TJP2: variants seen among roughly 807,000 people sequenced by gnomAD.
TJP2 encodes the protein tight junction protein 2.
A neutral mutation model predicts 133.1 loss-of-function variants in TJP2; 91 were observed. That is an observed-to-expected ratio of 0.68 (90% CI 0.58 to 0.81). The LOEUF is 0.81. Ranked by LOEUF, TJP2 falls within the 40% of genes least tolerant of loss-of-function variation. The pLI, the probability that TJP2 is intolerant of heterozygous loss-of-function variation, is 0.00. For synonymous variants in TJP2, 592 were observed against 583.4 expected (o/e 1.01, Z -0.21); for missense variants, 1,541 against 1,565.6 (o/e 0.98, Z 0.26).
Position 69,226,094 on chromosome 9 carries a change from C to G in TJP2, c.1129C>G (p.Leu377Val), listed in dbSNP as rs1379934280. The change falls in exon 7 of 23, where the codon CTA becomes GTA. Residue 377 changes from leucine to valine, a missense_variant. Physicochemically the swap from Leu to Val is conservative, Grantham distance 32. Coordinates refer to ENST00000377245, the MANE Select transcript of TJP2 (RefSeq NM_004817.4). ...RKLIEKSRGK[L>V]QLVVLRDSQQ... is the part of the protein sequence containing the mutation. ...ATTGATAGAAAAGTCAAGAGGAAAACTACAGCTAGTGGTGTTGAGAGACAG... is the reference window on the plus strand; with the variant it reads ...ATTGATAGAAAAGTCAAGAGGAAAAGTACAGCTAGTGGTGTTGAGAGACAG... 3.1e-6 allele frequency: 5 copies of G among 1,614,006 alleles called. No individual in the cohort carries two copies. Among genetic ancestry groups the G allele is most frequent in the African/African-American group, 1.3e-5 (1 of 74,918 alleles).
intron 1 of TJP2, among the ~76,000 whole-genome samples, chr9:69,133,480 G>C (rs551190259): frequency 1.3e-5 from 2 of 150,810 alleles, no homozygotes; most frequent in Non-Finnish European, 2.9e-5. Context: ...GTGCACACAA[G>C]CCTGCATTCC....
At chr9:69,198,666 A>G (rs749677395) in intron 1 of TJP2, among the ~76,000 whole-genome samples, 10 of 152,194 alleles carry the variant, frequency 6.6e-5, no homozygotes, top group Non-Finnish European at 1.3e-4. Context: ...GTCCATTGTG[A>G]AGTGTGTGCT....
chr9:69,127,001 G>A (rs2133219150), intron 1 of TJP2, among the ~76,000 whole-genome samples: 1 of 76,122 alleles, frequency 1.3e-5, no homozygotes, highest in Non-Finnish European at 3.0e-5. Flanking sequence ...GAAGGCTGAG[G>A]TGGAAGGATT....
intron 1 of TJP2, among the ~76,000 whole-genome samples, chr9:69,203,146 T>A (rs1827121171): frequency 6.6e-6 from 1 of 151,902 alleles, no homozygotes; most frequent in Non-Finnish European, 1.5e-5. Context: ...CCTCCCCGAG[T>A]TGCCTGGGTT....
intron 1 of TJP2, among the ~76,000 whole-genome samples, chr9:69,149,758 A>G (rs1332682105): frequency 3.9e-5 from 6 of 152,154 alleles, no homozygotes; most frequent in Admixed American, 1.3e-4. Flanking sequence ...GCTTCATAAG[A>G]ATTTGCAGAA....
At chr9:69,162,957 C>A (rs1485034820) in intron 2 of TJP2, among the ~76,000 whole-genome samples, 1 of 152,142 alleles carries the variant, frequency 6.6e-6, no homozygotes. Context: ...TAAGACCAGA[C>A]CCTTTTCTTC....
intron 1 of TJP2, among the ~76,000 whole-genome samples, chr9:69,139,859 C>T (rs1193933054): frequency 6.6e-6 from 1 of 152,160 alleles, no homozygotes; most frequent in African/African-American, 2.4e-5. Flanking sequence ...CTCCATAGGG[C>T]CCTATACTGC....
Position 69,246,677 on chromosome 9 carries a change from T to C in TJP2, c.2567-13T>C. 3.1e-6 allele frequency: 5 copies of C among 1,611,378 alleles called. No individual in the cohort carries two copies. The highest frequency in any genetic ancestry group is 4.2e-6 in the Non-Finnish European group (5 of 1,177,506). ...GGAAATTAATGCAGACCTTTTTGTT[T>C]ATATTTCTATAGCTACAATCAACCT... On this transcript the variant is annotated splice_polypyrimidine_tract_variant and intron_variant, in intron 17 of 22. Coordinates refer to ENST00000377245, the MANE Select transcript of TJP2 (RefSeq NM_004817.4).
At chr9:69,148,833 T>A (rs1192385190) in intron 1 of TJP2, among the ~76,000 whole-genome samples, 1 of 152,192 alleles carries the variant, frequency 6.6e-6, no homozygotes, top group African/African-American at 2.4e-5. Flanking sequence ...CATGTGTATA[T>A]TTGCCCATTG....
intron 2 of TJP2, chr9:69,151,900 T>C: frequency 1.0e-6 from 1 of 960,466 alleles, no homozygotes; most frequent in Non-Finnish European, 1.3e-6. Flanking sequence ...TATATACATT[T>C]TCATAGAAAA....
Position 69,201,471 on chromosome 9 carries a change from G to A in TJP2, c.61-11077G>A, listed in dbSNP as rs553180907. Among the ~76,000 whole-genome samples, 8 of 151,700 alleles carry A rather than the reference G, an allele frequency of 5.3e-5. No homozygotes were observed. The East Asian group carries it at 9.7e-4, about 18-fold the overall frequency. ...TGTCCTTTCCTTCAGACCTCATCTC[G>A]GTGTCCCTGGCTCATGGAAACCCTC... On this transcript the variant is annotated intron_variant, in intron 1 of 22. Transcript: ENST00000377245.
chr9:69,225,673 C>A (rs1829291377), intron 6 of TJP2, among the ~76,000 whole-genome samples: 1 of 152,166 alleles, frequency 6.6e-6, no homozygotes, highest in Non-Finnish European at 1.5e-5. Flanking sequence ...TCCCTATTCC[C>A]TAAACTAAGG....
At chr9:69,209,066 T>C (rs1228810846) in intron 1 of TJP2, among the ~76,000 whole-genome samples, 1 of 152,086 alleles carries the variant, frequency 6.6e-6, no homozygotes, top group African/African-American at 2.4e-5. Context: ...GTTAGTAAGG[T>C]GTTCTATGGA....
At chr9:69,246,345 A>C (rs1326940239) in intron 17 of TJP2, 4 of 365,344 alleles carry the variant, frequency 1.1e-5, no homozygotes, top group Non-Finnish European at 2.1e-5. Flanking sequence ...TATACACCTC[A>C]GCCTCCCAGA....
At chr9:69,208,178 A>G (rs1207750258) in intron 1 of TJP2, among the ~76,000 whole-genome samples, 2 of 152,254 alleles carry the variant, frequency 1.3e-5, no homozygotes, top group East Asian at 1.9e-4. Context: ...TTAATGTTCA[A>G]CAGAGCTACT....
At chr9:69,123,904 G>A (rs1822243035) in intron 1 of TJP2, among the ~76,000 whole-genome samples, 1 of 76,074 alleles carries the variant, frequency 1.3e-5, no homozygotes, top group Non-Finnish European at 3.0e-5. Flanking sequence ...GTCTCGCTCT[G>A]TCGCCCAGGC....
At chr9:69,137,957 G>A (rs1022975695) in intron 1 of TJP2, among the ~76,000 whole-genome samples, 7 of 152,128 alleles carry the variant, frequency 4.6e-5, no homozygotes, top group Admixed American at 2.6e-4. Context: ...TTTCTGTTCT[G>A]TTCTTCCACA....
chr9:69,234,402 T>TTTCTTTCTTTC (rs780843162), intron 11 of TJP2, 37 bp from the exon 12 acceptor site: 3 of 1,217,498 alleles, frequency 2.5e-6, no homozygotes, highest in Admixed American at 4.6e-5. Context: ...TTCTTTCTTT[T>TTTCTTTCTTTC]TTTTTTTTTT....
At chr9:69,250,825 C>T (rs1831276293) in intron 20 of TJP2, among the ~76,000 whole-genome samples, 1 of 152,312 alleles carries the variant, frequency 6.6e-6, no homozygotes, top group South Asian at 2.1e-4. Context: ...GGCTTCCTGA[C>T]ATTCCTAATA....
Sources: gnomAD v4.1 joint callset for allele counts (sites outside exome capture counted in the v4.1 genomes callset) on GRCh38, gnomAD v4.1.1 for gene constraint, MANE v1.5 for transcripts, NCBI Gene and HGNC (gene_info 2026-07-23, HGNC 2026-07-21) for gene names.